Variants in CDKL2 observed in about 807,000 individuals in gnomAD.
CDKL2 encodes the protein cyclin-dependent kinase-like 2.
CDKL2 carries 64 observed loss-of-function variants against 63.9 expected under a neutral mutation model. The ratio of observed to expected loss-of-function variants is 1.00; its 90% CI spans 0.82 to 1.23. CDKL2 has a LOEUF of 1.23. CDKL2 is among the 50% of genes most tolerant of loss of function. The pLI is 0.00. For synonymous variants in CDKL2, 211 were observed against 229.2 expected, an observed-to-expected ratio of 0.92 and a Z score of 0.72; for missense variants, 656 against 668.0, an observed-to-expected ratio of 0.98 and a Z score of 0.20.
intron 1 of CDKL2, among the ~76,000 whole-genome samples, chr4:75,627,551 G>A (rs890119171): frequency 6.6e-6 from 1 of 152,088 alleles, no homozygotes; most frequent in African/African-American, 2.4e-5. Context: ...GATTGCAGGC[G>A]TGAGCCAGAG....
intron 5 of CDKL2, 32 bp from the exon 6 acceptor site, chr4:75,603,988 T>C: frequency 6.3e-7 from 1 of 1,578,604 alleles, no homozygotes; most frequent in South Asian, 1.2e-5. Context: ...ATCTCTGTTA[T>C]TATACAACAT....
intron 7 of CDKL2, among the ~76,000 whole-genome samples, chr4:75,599,842 C>G (rs1729107319): frequency 6.6e-6 from 1 of 152,234 alleles, no homozygotes; most frequent in Non-Finnish European, 1.5e-5. Context: ...GCCAGCAACT[C>G]TGGCACCCAC....
intron 2 of CDKL2, among the ~76,000 whole-genome samples, chr4:75,616,172 C>A (rs373216984): frequency 2.0e-5 from 3 of 151,994 alleles, no homozygotes; most frequent in Admixed American, 6.6e-5. Flanking sequence ...GGCATGGTAG[C>A]TTATGCCTGT....
chr4:75,581,839 C>T lies in CDKL2; in HGVS notation c.1707G>A (p.Gln569=), dbSNP rs138152498. The change falls in exon 13 of 14, where the codon CAG becomes CAA. Residue 569 remains glutamine, a synonymous_variant. Coordinates refer to ENST00000307465, the MANE Select transcript of CDKL2 (RefSeq NM_001330724.2). ...TTCAGAACCAAAATGGTTCTCAGTG[C>T]TGGTGTTCCATTTGAGGCAAATCAG... is the stretch of plus-strand genomic sequence containing the variant. ...SGADLPQMEH[Q]H The T allele has an allele frequency of 5.0e-6, 8 of 1,610,924 alleles. No individual in the cohort carries two copies. The highest frequency in any genetic ancestry group is 1.7e-5 in the Admixed American group (1 of 59,916).
At chr4:75,625,743 T>TA in intron 2 of CDKL2, 78 bp downstream of exon 2, 2 of 996,602 alleles carry the variant, frequency 2.0e-6, no homozygotes, top group South Asian at 3.1e-5. Flanking sequence ...TTTGCATATC[T>TA]AATCATTGTA....
At chr4:75,615,432 T>TA in intron 2 of CDKL2, among the ~76,000 whole-genome samples, 2 of 152,240 alleles carry the variant, frequency 1.3e-5, no homozygotes, top group South Asian at 4.1e-4. Context: ...TTGCCACCTT[T>TA]AAAGGGAAAG....
chr4:75,603,845 A>T lies in CDKL2; in HGVS notation c.767T>A (p.Leu256His), dbSNP rs781694917. ...REPLERRYPK[L>H]SEVVIDLAKK... ...TGCTAAATCTATCACCACTTCAGAG[A>T]GCTTAGGATAGCGTCTTTCAAGAGG... The change falls in exon 6 of 14, where the codon CTC becomes CAC. Residue 256 changes from leucine to histidine, a missense_variant. Physicochemically the swap from Leu to His is moderately conservative, Grantham distance 99. Coordinates refer to ENST00000307465, the MANE Select transcript of CDKL2 (RefSeq NM_001330724.2). 6.2e-7 allele frequency: 1 copy of T among 1,610,440 alleles called. No homozygotes were observed. Among genetic ancestry groups the T allele is most frequent in the South Asian group, 1.1e-5 (1 of 90,228 alleles).
At chr4:75,612,485 T>C (rs954649223) in intron 3 of CDKL2, among the ~76,000 whole-genome samples, 4 of 152,346 alleles carry the variant, frequency 2.6e-5, no homozygotes, top group Non-Finnish European at 5.9e-5. Flanking sequence ...TGGTTCTTTT[T>C]GCTTACTGGT....
At chr4:75,597,333 A>AT (rs1485930892) in intron 8 of CDKL2, 97 bp from the exon 9 acceptor site, 1 of 734,474 alleles carries the variant, frequency 1.4e-6, no homozygotes, top group Admixed American at 2.7e-5. Flanking sequence ...GCAGAATATC[A>AT]TAAGTATCAC....
At chr4:75,601,653 A>C (rs1332848363) in intron 6 of CDKL2, among the ~76,000 whole-genome samples, 2 of 152,182 alleles carry the variant, frequency 1.3e-5, no homozygotes, top group East Asian at 3.8e-4. Context: ...AAATGTTTTA[A>C]AAGTTTTATA....
Position 75,598,213 on chromosome 4 carries a change from C to A in CDKL2, c.885-1G>T. 1 of 1,413,666 alleles carries A rather than the reference C, an allele frequency of 7.1e-7. No individual in the cohort carries two copies. Among genetic ancestry groups the A allele is most frequent in the Non-Finnish European group, 9.6e-7 (1 of 1,044,978 alleles). 87.6% of individuals were successfully genotyped at this position (1,413,666 alleles called of 1,614,324 possible). The stretch of plus-strand genomic sequence containing the variant: ...TTTTAACTGTAGTTCTTGGGAAAAC[C>A]TACATAAAAATATAATAAAATAAAA... On this transcript the variant is annotated splice_acceptor_variant, in intron 7 of 13. Transcript: ENST00000307465. LOFTEE classifies it high-confidence loss of function.
chr4:75,627,207 A>G (rs1276492737), intron 1 of CDKL2, among the ~76,000 whole-genome samples: 1 of 151,782 alleles, frequency 6.6e-6, no homozygotes, highest in Non-Finnish European at 1.5e-5. Context: ...TGTCTCAAAA[A>G]AAAAAAAGCA....
chr4:75,602,770 G>A (rs948454378), intron 6 of CDKL2, among the ~76,000 whole-genome samples: 9 of 149,120 alleles, frequency 6.0e-5, no homozygotes, highest in South Asian at 4.2e-4. Flanking sequence ...GTGATCCACC[G>A]GCCTTAGCCT....
In CDKL2 at chr4:75,597,199, A is replaced by T; in HGVS notation, c.1058T>A (p.Leu353Gln). ...AATTTTTGAGCCTTTTATTTTAAAT[A>T]GTTTATAATCCTTAATTTTGGGATC... is the stretch of plus-strand genomic sequence containing the variant. ...NADPKIKDYK[L>Q]FKIKGSKIDG... Residue 353 changes from leucine to glutamine, a missense_variant, in exon 9 of 14, where the codon CTA (leucine) becomes CAA (glutamine). Transcript: ENST00000307465. 2 of 1,610,144 alleles carry T rather than the reference A, an allele frequency of 1.2e-6. No homozygotes were observed. The highest frequency in any genetic ancestry group is 2.2e-5 in the East Asian group (1 of 44,876).
intron 2 of CDKL2, among the ~76,000 whole-genome samples, chr4:75,615,835 T>A (rs951363313): frequency 7.9e-5 from 12 of 151,454 alleles, no homozygotes; most frequent in Non-Finnish European, 1.8e-4. Flanking sequence ...ACAAAAAATT[T>A]TAAAAATTAG....
intron 11 of CDKL2, 51 bp from the exon 12 acceptor site, chr4:75,591,976 T>C (rs1728735109): frequency 1.4e-6 from 2 of 1,451,366 alleles, no homozygotes; most frequent in Admixed American, 4.0e-5. Context: ...ATTTTGTTAG[T>C]TTTTAGTTTT....
At chr4:75,606,465 G>A (rs576722475) in intron 4 of CDKL2, among the ~76,000 whole-genome samples, 1 of 152,228 alleles carries the variant, frequency 6.6e-6, no homozygotes, top group African/African-American at 2.4e-5. Context: ...CTCCCGCCTG[G>A]GCCTCCCAAA....
In CDKL2 at chr4:75,591,899, CT is replaced by C; in HGVS notation, c.1566del (p.Glu523ArgfsTer98). ...CGAGATTCTGAAAGAATTTTGCTCT[CT>C]TTCTTTGTTAGCCTGGAATTTCGAG... ...GIARNSRLTK[K>X]ESKILSESRI... On this transcript the variant is annotated frameshift_variant, in exon 12 of 14. Coordinates refer to ENST00000307465, the MANE Select transcript of CDKL2 (RefSeq NM_001330724.2). LOFTEE classifies it high-confidence loss of function. The C allele has an allele frequency of 6.5e-7, 1 of 1,535,930 alleles. No individual in the cohort carries two copies. Among genetic ancestry groups the C allele is most frequent in the South Asian group, 1.2e-5 (1 of 84,054 alleles).
In CDKL2 at chr4:75,578,279, G is replaced by T. The variant is rs1408728499; in HGVS notation, c.*923C>A. On this transcript the variant is annotated 3_prime_UTR_variant, in exon 14 of 14. Coordinates refer to ENST00000307465, the MANE Select transcript of CDKL2 (RefSeq NM_001330724.2). ...TAGTATCACCCTTAAACTACCAGGGGACAAAAGTGGAGTCCATAATAATGA... is the reference window on the plus strand; with the variant it reads ...TAGTATCACCCTTAAACTACCAGGGTACAAAAGTGGAGTCCATAATAATGA... 4 of 152,184 alleles carry T rather than the reference G, an allele frequency of 2.6e-5. No individual in the cohort carries two copies. Among genetic ancestry groups the T allele is most frequent in the Non-Finnish European group, 5.9e-5 (4 of 68,050 alleles). The allele number at this position is 152,184 out of a possible 1,614,324, so 9.4% of individuals were successfully genotyped here.
Sources: allele counts gnomAD v4.1 joint callset (sites outside exome capture counted in the v4.1 genomes callset), GRCh38; gene constraint gnomAD v4.1.1; transcripts MANE v1.5; gene names NCBI Gene and HGNC (gene_info 2026-07-23, HGNC 2026-07-21).